The following ASB5 variants were observed in gnomAD, a reference collection of about 807,000 sequenced individuals.
The protein encoded by ASB5 is ankyrin repeat and SOCS box containing 5, also known as ankyrin repeat and SOCS box protein 5.
A neutral mutation model predicts 42.1 loss-of-function variants in ASB5; 45 were observed. The ratio of observed to expected loss-of-function variants is 1.07; its 90% CI spans 0.84 to 1.37. The LOEUF (loss-of-function observed/expected upper bound fraction) is 1.37. Among genes scored for constraint, ASB5 ranks in the 40% most tolerant of loss-of-function variants. ASB5 has a pLI of 0.00. For synonymous variants in ASB5, 147 were observed against 150.6 expected (o/e 0.98, Z 0.18); for missense variants, 402 against 399.8 (o/e 1.01, Z -0.05).
intron 1 of ASB5, among the ~76,000 whole-genome samples, chr4:176,233,911 A>G (rs1023829932): frequency 1.3e-5 from 2 of 152,166 alleles, no homozygotes; most frequent in Non-Finnish European, 2.9e-5. Flanking sequence ...CGCAAATGGC[A>G]ACTGCACTCA....
In ASB5 at chr4:176,227,392, C is replaced by T. The variant is rs546625339; in HGVS notation, c.197-2051G>A. ...TTTCTGAGAAAATTCTGTAATATTA[C>T]CAGATACAAAGGGATTGATGACTGG... On this transcript the variant is annotated intron_variant, in intron 1 of 6. Coordinates refer to ENST00000296525, the MANE Select transcript of ASB5 (RefSeq NM_080874.4). Among the ~76,000 whole-genome samples the T allele has an allele frequency of 7.2e-5, 11 of 152,276 alleles. No homozygotes were observed. The East Asian group carries it at 1.4e-3, about 19-fold the overall frequency.
At chr4:176,242,585 C>T (rs756173874) in intron 1 of ASB5, among the ~76,000 whole-genome samples, 2 of 152,116 alleles carry the variant, frequency 1.3e-5, no homozygotes, top group Non-Finnish European at 2.9e-5. Flanking sequence ...GCGGTATCTG[C>T]TATTATAGTC....
chr4:176,226,340 T>C (rs1753378009), intron 1 of ASB5, among the ~76,000 whole-genome samples: 1 of 152,182 alleles, frequency 6.6e-6, no homozygotes, highest in African/African-American at 2.4e-5. Flanking sequence ...CTTGAGACTC[T>C]AGGACTTCAG....
At chr4:176,247,263 T>C (rs1753930547) in intron 1 of ASB5, among the ~76,000 whole-genome samples, 1 of 152,190 alleles carries the variant, frequency 6.6e-6, no homozygotes, top group South Asian at 2.1e-4. Flanking sequence ...TTGTAGATTC[T>C]CCTTCAAATA....
chr4:176,270,949 G>T (rs1157468045), upstream of ASB5, among the ~76,000 whole-genome samples: 1 of 152,112 alleles, frequency 6.6e-6, no homozygotes, highest in Non-Finnish European at 1.5e-5. Context: ...TAAGGTTTCA[G>T]TCCTTTCTCT....
chr4:176,226,797 G>C (rs1753391800), intron 1 of ASB5, among the ~76,000 whole-genome samples: 1 of 152,134 alleles, frequency 6.6e-6, no homozygotes, highest in Non-Finnish European at 1.5e-5. Flanking sequence ...TATTTCCTGT[G>C]GTCCCCCCAC....
intron 1 of ASB5, among the ~76,000 whole-genome samples, chr4:176,225,960 C>A (rs1225681226): frequency 6.6e-6 from 1 of 151,496 alleles, no homozygotes; most frequent in Non-Finnish European, 1.5e-5. Flanking sequence ...TTTCTTCCAA[C>A]CATTACCTTG....
intron 1 of ASB5, among the ~76,000 whole-genome samples, chr4:176,232,477 G>A (rs1167273425): frequency 6.6e-6 from 1 of 151,982 alleles, no homozygotes; most frequent in Admixed American, 6.6e-5. Context: ...TTACCATGAA[G>A]CCAGTGAAAC....
intron 1 of ASB5, among the ~76,000 whole-genome samples, chr4:176,265,099 A>G (rs1445053582): frequency 1.3e-5 from 2 of 152,072 alleles, no homozygotes; most frequent in African/African-American, 4.8e-5. Context: ...ACCTTCTTTC[A>G]TACCAAAAAC....
intron 1 of ASB5, among the ~76,000 whole-genome samples, chr4:176,248,472 GC>G (rs968311889): frequency 2.0e-5 from 3 of 152,126 alleles, no homozygotes; most frequent in Non-Finnish European, 4.4e-5. Flanking sequence ...CTCATAACCT[GC>G]TGGGGTTTCA....
chr4:176,263,054 T>C (rs576871983), intron 1 of ASB5, among the ~76,000 whole-genome samples: 2 of 152,300 alleles, frequency 1.3e-5, no homozygotes, highest in Non-Finnish European at 2.9e-5. Flanking sequence ...GGATCTCTCA[T>C]GGATAGATTA....
intron 1 of ASB5, among the ~76,000 whole-genome samples, chr4:176,240,096 AG>A (rs1184722112): frequency 6.6e-6 from 1 of 152,178 alleles, no homozygotes; most frequent in East Asian, 1.9e-4. Context: ...CCTGTAAGAG[AG>A]CACTGTGAAA....
intron 1 of ASB5, chr4:176,237,179 G>T: frequency 1.5e-6 from 1 of 679,856 alleles, no homozygotes; most frequent in Non-Finnish European, 1.8e-6. Flanking sequence ...CCATACATGT[G>T]CATTTCAATC....
At chr4:176,225,626 T>G (rs1372033042) in intron 1 of ASB5, among the ~76,000 whole-genome samples, 1 of 152,218 alleles carries the variant, frequency 6.6e-6, no homozygotes, top group Non-Finnish European at 1.5e-5. Flanking sequence ...AGTCTCGCCC[T>G]GTTGCCCAGG....
intron 1 of ASB5, among the ~76,000 whole-genome samples, chr4:176,261,428 T>G (rs773230630): frequency 1.3e-5 from 2 of 152,230 alleles, no homozygotes; most frequent in African/African-American, 2.4e-5. Flanking sequence ...GACTTTTAGA[T>G]ATATGCTTCG....
At chr4:176,217,714 C>G (rs1455060003) in intron 5 of ASB5, among the ~76,000 whole-genome samples, 2 of 152,076 alleles carry the variant, frequency 1.3e-5, no homozygotes, top group Non-Finnish European at 2.9e-5. Flanking sequence ...CAAAGCCTGG[C>G]ACATGCTGGT....
At chr4:176,228,911 A>G (rs6813916) in intron 1 of ASB5, among the ~76,000 whole-genome samples, 24,395 of 152,204 alleles carry the variant, frequency 0.16, 2,595 homozygotes, top group Middle Eastern at 0.28. Context: ...TTGCAGAATG[A>G]AATTCTGCAG....
At chr4:176,228,862 A>C (rs1639766842) in intron 1 of ASB5, among the ~76,000 whole-genome samples, 1 of 152,236 alleles carries the variant, frequency 6.6e-6, no homozygotes, top group Non-Finnish European at 1.5e-5. Context: ...TGCTTTAAAA[A>C]TCACAGGCAT....
chr4:176,274,695 G>A lies in ASB5; in HGVS notation c.-90+1101C>T, dbSNP rs117352532. Among the ~76,000 whole-genome samples, 56 of 152,284 alleles carry A rather than the reference G, an allele frequency of 3.7e-4. No homozygotes were observed. The East Asian group carries it at 8.7e-3, about 24-fold the overall frequency. On this transcript the variant is annotated intron_variant, in intron 2 of 2. Coordinates refer to the ASB5 transcript ENST00000505299. ...GTTATAAATAGCCTTTGGCTAAATA[G>A]TGGAGTATGTCACTGGGCCAAAGCT...
Sources: allele counts gnomAD v4.1 joint callset (sites outside exome capture counted in the v4.1 genomes callset), GRCh38; gene constraint gnomAD v4.1.1; transcripts MANE v1.5; gene names NCBI Gene and HGNC (gene_info 2026-07-23, HGNC 2026-07-21).